TBX5: variants seen among roughly 807,000 people sequenced by gnomAD.
The protein encoded by TBX5 is T-box transcription factor TBX5.
A neutral mutation model predicts 51.1 loss-of-function variants in TBX5; 8 were observed. The observed-to-expected ratio is 0.16, with a 90% CI of 0.09 to 0.28. The LOEUF is 0.28. Ranked by LOEUF, TBX5 falls within the 10% of genes least tolerant of loss-of-function variation. The pLI, the probability that TBX5 is intolerant of heterozygous loss-of-function variation, is 1.00. For missense variants in TBX5, 589 were observed against 671.7 expected (o/e 0.88, Z 1.36); for synonymous variants, 302 against 266.4 (o/e 1.13, Z -1.30).
At chr12:114,363,098 G>T (rs1869332294) in intron 8 of TBX5, among the ~76,000 whole-genome samples, 1 of 152,338 alleles carries the variant, frequency 6.6e-6, no homozygotes, top group East Asian at 1.9e-4. Flanking sequence ...CACTGTTCTA[G>T]GTGCTTTCTG....
Position 114,405,786 on chromosome 12 carries a change from C to T in TBX5, c.-197G>A, listed in dbSNP as rs1872178305. The T allele has an allele frequency of 7.1e-6, 7 of 985,568 alleles. No homozygotes were observed. In the South Asian group the frequency reaches 2.3e-4, roughly 33 times the overall value. 61.1% of individuals were successfully genotyped at this position (985,568 alleles called of 1,614,324 possible). The stretch of plus-strand genomic sequence containing the variant: ...ACTGCTGCCTACTAGGGCGCACCTA[C>T]CGCTGGAGCCTCCGCGGCGACTGCC... On this transcript the variant is annotated 5_prime_UTR_variant, in exon 1 of 9. Transcript: ENST00000405440.
intron 8 of TBX5, among the ~76,000 whole-genome samples, chr12:114,357,322 G>A (rs925683323): frequency 6.6e-6 from 1 of 152,126 alleles, no homozygotes; most frequent in Non-Finnish European, 1.5e-5. Flanking sequence ...CTAGAAAACT[G>A]CATTGAAACA....
intron 6 of TBX5, among the ~76,000 whole-genome samples, chr12:114,389,703 G>A (rs964420153): frequency 2.3e-4 from 29 of 125,034 alleles, no homozygotes; most frequent in Middle Eastern, 0.011. Flanking sequence ...GCAGTGAGCC[G>A]AGATCCCGCC....
chr12:114,364,643 G>A (rs1337293861), intron 8 of TBX5, among the ~76,000 whole-genome samples: 4 of 152,102 alleles, frequency 2.6e-5, no homozygotes, highest in Non-Finnish European at 5.9e-5. Flanking sequence ...TCTTCTCTGG[G>A]AAGACTGATT....
At chr12:114,406,670 TGCTAAGAAATC>T, upstream of TBX5, among the ~76,000 whole-genome samples, 1 of 152,138 alleles carries the variant, frequency 6.6e-6, no homozygotes, top group East Asian at 2.0e-4. Flanking sequence ...AGATCAAAGA[TGCTAAGAAATC>T]GCTGCGGGCC....
chr12:114,407,636 C>A (rs1210602685), upstream of TBX5, among the ~76,000 whole-genome samples: 2 of 152,204 alleles, frequency 1.3e-5, no homozygotes, highest in Non-Finnish European at 2.9e-5. Flanking sequence ...GATTTTCAAA[C>A]CTTTCGAGAG....
chr12:114,355,676 C>T lies in TBX5; in HGVS notation c.1413G>A (p.Gly471=), dbSNP rs764756835. The change falls in exon 9 of 9, where the codon GGG becomes GGA. Residue 471 remains glycine, a synonymous_variant. Transcript: ENST00000405440. Reference sequence around the variant, plus strand: ...CAGGGGACTGCAGGCCAGTCTGAGGCCCACACTGCCTGACCACAGGCTGGT... The same window carrying T: ...CAGGGGACTGCAGGCCAGTCTGAGGTCCACACTGCCTGACCACAGGCTGGT... ...VAHQPVVRQC[G]PQTGLQSPGT... 1.8e-5 allele frequency: 29 copies of T among 1,614,016 alleles called. No individual in the cohort carries two copies. Among genetic ancestry groups the T allele is most frequent in the Non-Finnish European group, 2.5e-5 (29 of 1,180,016 alleles).
At chr12:114,372,118 G>A (rs1367861003) in intron 7 of TBX5, among the ~76,000 whole-genome samples, 3 of 151,990 alleles carry the variant, frequency 2.0e-5, no homozygotes, top group Non-Finnish European at 4.4e-5. Context: ...GGTGGGTGAG[G>A]GATGAGAAAT....
Position 114,366,271 on chromosome 12 carries a change from C to T in TBX5, c.876G>A (p.Gln292=). The change falls in exon 8 of 9, where the codon CAG becomes CAA. Residue 292 remains glutamine, a synonymous_variant. Coordinates refer to ENST00000405440, the MANE Select transcript of TBX5 (RefSeq NM_181486.4). ...AGGGGCCGGAAACACCATTCTCACA[C>T]TGGTATTGGGACCCCAAATTGGATG... ...STSSNLGSQY[Q]CENGVSGPSQ... 6.2e-7 allele frequency: 1 copy of T among 1,614,122 alleles called. No individual in the cohort carries two copies. Among genetic ancestry groups the T allele is most frequent in the Non-Finnish European group, 8.5e-7 (1 of 1,180,028 alleles).
At chr12:114,400,306 T>C (rs559016087) in intron 3 of TBX5, among the ~76,000 whole-genome samples, 3 of 152,358 alleles carry the variant, frequency 2.0e-5, no homozygotes, top group South Asian at 4.1e-4. Flanking sequence ...TCGAAATTCC[T>C]TGGCCTTCAG....
chr12:114,376,481 T>A (rs7964303), intron 7 of TBX5, among the ~76,000 whole-genome samples: 1 of 151,774 alleles, frequency 6.6e-6, no homozygotes, highest in Non-Finnish European at 1.5e-5. Flanking sequence ...TGGTTGCCAG[T>A]AGCTGGGGAG....
intron 2 of TBX5, among the ~76,000 whole-genome samples, chr12:114,402,467 A>T (rs922451913): frequency 2.6e-5 from 4 of 152,240 alleles, no homozygotes; most frequent in African/African-American, 9.6e-5. Context: ...ATTCTCGACC[A>T]TGGTGAGTGC....
intron 3 of TBX5, among the ~76,000 whole-genome samples, chr12:114,400,817 G>A (rs1436308116): frequency 6.6e-6 from 1 of 152,224 alleles, no homozygotes; most frequent in Non-Finnish European, 1.5e-5. Context: ...GCCGAGCGGG[G>A]AGCAGACTTT....
chr12:114,403,640 T>G, intron 2 of TBX5, 112 bp downstream of exon 2: 1 of 1,469,904 alleles, frequency 6.8e-7, no homozygotes, highest in Non-Finnish European at 9.1e-7. Context: ...TGGGTTCGTT[T>G]TGGGGTTTTT....
At chr12:114,372,456 C>T (rs905526103) in intron 7 of TBX5, among the ~76,000 whole-genome samples, 1 of 151,114 alleles carries the variant, frequency 6.6e-6, no homozygotes, top group Admixed American at 6.6e-5. Context: ...AGGCATGTGC[C>T]ACCACACCCA....
intron 3 of TBX5, 110 bp from the exon 4 acceptor site, chr12:114,399,742 C>T: frequency 6.5e-7 from 1 of 1,541,442 alleles, no homozygotes; most frequent in Non-Finnish European, 8.9e-7. Flanking sequence ...AACGTGGAAG[C>T]GGAAACTAGC....
At chr12:114,404,760 G>A (rs1360153547) in intron 1 of TBX5, among the ~76,000 whole-genome samples, 1 of 152,148 alleles carries the variant, frequency 6.6e-6, no homozygotes, top group African/African-American at 2.4e-5. Flanking sequence ...ATTTTGTGGA[G>A]TGACCAGGCC....
intron 8 of TBX5, 175 bp downstream of exon 8, chr12:114,365,990 G>T: frequency 1.3e-6 from 1 of 770,238 alleles, no homozygotes; most frequent in Non-Finnish European, 2.2e-6. Context: ...CATGTCAAGG[G>T]AACTTTTTGT....
intron 7 of TBX5, among the ~76,000 whole-genome samples, chr12:114,373,013 C>G (rs899014730): frequency 3.3e-5 from 5 of 151,344 alleles, no homozygotes; most frequent in Admixed American, 2.0e-4. Context: ...CACACACACA[C>G]ACACACACAC....
Sources: allele counts gnomAD v4.1 joint callset (sites outside exome capture counted in the v4.1 genomes callset), GRCh38; gene constraint gnomAD v4.1.1; transcripts MANE v1.5; gene names NCBI Gene and HGNC (gene_info 2026-07-23, HGNC 2026-07-21).